KIZ: variants seen among roughly 807,000 people sequenced by gnomAD.
KIZ encodes centrosomal protein kizuna.
Under a neutral mutation model 79.6 loss-of-function variants are expected in KIZ, and 68 were observed. The ratio of observed to expected loss-of-function variants is 0.85; its 90% CI spans 0.70 to 1.05. KIZ has a LOEUF of 1.05. Ranked by LOEUF, KIZ falls within the 50% of genes least tolerant of loss-of-function variation. The pLI is 0.00. For missense variants in KIZ, 797 were observed against 800.4 expected, an observed-to-expected ratio of 1.00 and a Z score of 0.05; for synonymous variants, 280 against 281.8, an observed-to-expected ratio of 0.99 and a Z score of 0.06.
chr20:21,229,046 C>T lies in KIZ; in HGVS notation c.1714C>T (p.Leu572Phe), dbSNP rs557182679. The T allele has an allele frequency of 6.2e-7, 1 of 1,611,632 alleles. No homozygotes were observed. The highest frequency in any genetic ancestry group is 1.3e-5 in the African/African-American group (1 of 74,892). Residue 572 changes from leucine (L) to phenylalanine (F), a missense_variant, in exon 10 of 13, where the codon CTT (leucine) becomes TTT (phenylalanine). Leu to Phe is a conservative substitution (Grantham distance 22). Coordinates refer to ENST00000619189, the MANE Select transcript of KIZ (RefSeq NM_018474.6). ...EAYQLLKKAT[L>F]QDNTNQTENR... is the part of the protein sequence containing the mutation. ...CTATCAGTTGCTGAAGAAGGCCACC[C>T]TTCAGGATAATACAAATCAAACTGA...
At chr20:21,180,888 G>C (rs1342262974) in intron 6 of KIZ, among the ~76,000 whole-genome samples, 1 of 152,092 alleles carries the variant, frequency 6.6e-6, no homozygotes, top group Non-Finnish European at 1.5e-5. Flanking sequence ...TCAAGCTGAG[G>C]CCCCAGACAT....
At chr20:21,134,059 A>G (rs1306195605) in intron 2 of KIZ, among the ~76,000 whole-genome samples, 1 of 152,176 alleles carries the variant, frequency 6.6e-6, no homozygotes, top group Non-Finnish European at 1.5e-5. Flanking sequence ...GCAGAGGCAG[A>G]CGCTCTCAGG....
At chr20:21,146,968 ATGATG>A (rs1352171647) in intron 4 of KIZ, among the ~76,000 whole-genome samples, 2 of 152,224 alleles carry the variant, frequency 1.3e-5, no homozygotes. Context: ...CAAATGTGGT[ATGATG>A]TGATAGAATT....
At chr20:21,141,823 ACTCTCT>A (rs1229173337) in intron 3 of KIZ, among the ~76,000 whole-genome samples, 4,641 of 103,944 alleles carry the variant, frequency 0.045, 221 homozygotes, top group African/African-American at 0.15. Flanking sequence ...ACACACACAC[ACTCTCT>A]CTCTCTCTCT....
intron 6 of KIZ, among the ~76,000 whole-genome samples, chr20:21,188,883 T>TG (rs1392776768): frequency 1.2e-4 from 18 of 151,570 alleles, no homozygotes; most frequent in African/African-American, 4.1e-4. Flanking sequence ...TGTGTGTGTG[T>TG]TTTTTTGGTA....
At chr20:21,154,893 C>T (rs924042373) in intron 4 of KIZ, among the ~76,000 whole-genome samples, 3 of 152,212 alleles carry the variant, frequency 2.0e-5, no homozygotes, top group Non-Finnish European at 4.4e-5. Flanking sequence ...CTGATCTCAG[C>T]AAATGGGAAA....
At chr20:21,196,495 G>C (rs1355363248) in intron 6 of KIZ, 1 of 152,212 alleles carries the variant, frequency 6.6e-6, no homozygotes, top group Non-Finnish European at 1.5e-5. Flanking sequence ...CACCATTGGT[G>C]GGACCTCTTA....
At chr20:21,153,579 A>G (rs1033091629) in intron 4 of KIZ, among the ~76,000 whole-genome samples, 1 of 152,232 alleles carries the variant, frequency 6.6e-6, no homozygotes, top group African/African-American at 2.4e-5. Flanking sequence ...CTTAAAAATC[A>G]CAATGGCATA....
At chr20:21,226,566 T>A (rs1020630270) in intron 9 of KIZ, among the ~76,000 whole-genome samples, 1 of 152,212 alleles carries the variant, frequency 6.6e-6, no homozygotes, top group African/African-American at 2.4e-5. Context: ...CTCCCATGCA[T>A]CTGATCCACA....
intron 11 of KIZ, among the ~76,000 whole-genome samples, chr20:21,237,216 C>T (rs1452615058): frequency 1.3e-5 from 2 of 148,924 alleles, no homozygotes; most frequent in African/African-American, 5.0e-5. Flanking sequence ...GCAGGAGAAT[C>T]GTTTGAACCC....
chr20:21,138,037 G>T (rs1050413066), intron 3 of KIZ, among the ~76,000 whole-genome samples: 1 of 151,750 alleles, frequency 6.6e-6, no homozygotes, highest in African/African-American at 2.4e-5. Flanking sequence ...CTCCCAGAGT[G>T]CTGGAATTAT....
chr20:21,193,281 C>T (rs1466480596), intron 6 of KIZ, among the ~76,000 whole-genome samples: 2 of 152,154 alleles, frequency 1.3e-5, no homozygotes, highest in South Asian at 4.1e-4. Context: ...AAAAATTTAA[C>T]TCACCAAAAA....
chr20:21,165,204 G>C (rs544803601), intron 6 of KIZ, among the ~76,000 whole-genome samples: 1 of 152,260 alleles, frequency 6.6e-6, no homozygotes, highest in Non-Finnish European at 1.5e-5. Context: ...TGCATAAATG[G>C]GACAAAGGAG....
intron 9 of KIZ, among the ~76,000 whole-genome samples, chr20:21,219,818 A>C (rs1347214405): frequency 3.3e-5 from 5 of 152,144 alleles, no homozygotes; most frequent in Non-Finnish European, 7.3e-5. Flanking sequence ...CTCCTTAAAG[A>C]GTCTGCTATC....
Position 21,132,077 on chromosome 20 carries a change from T to G in KIZ, c.90-20T>G, listed in dbSNP as rs983959616. 2 of 1,015,870 alleles carry G rather than the reference T, an allele frequency of 2.0e-6. No homozygotes were observed. Among genetic ancestry groups the G allele is most frequent in the Admixed American group, 4.5e-5 (2 of 44,762 alleles). 62.9% of individuals were successfully genotyped at this position (1,015,870 alleles called of 1,614,324 possible). A position where few individuals can be genotyped will look rare whatever the true frequency, so the allele number is the denominator to read the frequency against. On this transcript the variant is annotated intron_variant, in intron 1 of 12. Coordinates refer to ENST00000619189, the MANE Select transcript of KIZ (RefSeq NM_018474.6). Reference sequence around the variant, plus strand: ...CTGTTACTTATCATGTAATTACTTATAAAATGTTTTTTATTATAGTGAAAA... The same window carrying G: ...CTGTTACTTATCATGTAATTACTTAGAAAATGTTTTTTATTATAGTGAAAA...
At chr20:21,168,780 A>C (rs527243082) in intron 6 of KIZ, among the ~76,000 whole-genome samples, 6 of 152,212 alleles carry the variant, frequency 3.9e-5, no homozygotes, top group African/African-American at 1.4e-4. Context: ...ATGATGCTGC[A>C]TATCTACAAC....
rs142958574 is a variant in KIZ at position 21,240,148 on chromosome 20, G to A, written c.1881-4097G>A. Among the ~76,000 whole-genome samples the A allele has an allele frequency of 8.8e-3, 1,327 of 151,220 alleles. 18 individuals carry two copies. Among genetic ancestry groups the A allele is most frequent in the African/African-American group, 0.031 (1,272 of 41,202 alleles). On this transcript the variant is annotated intron_variant, in intron 11 of 12. Coordinates refer to ENST00000619189, the MANE Select transcript of KIZ (RefSeq NM_018474.6). ...TAATTAACTATTTTTTTTTTGAGAC[G>A]GTGTCTCGCTCTGTCACCCAGGCTG...
intron 3 of KIZ, chr20:21,139,160 G>A (rs895583707): frequency 7.2e-6 from 1 of 138,856 alleles, no homozygotes; most frequent in Non-Finnish European, 1.6e-5. Flanking sequence ...TATTCTTTTT[G>A]TTGTTTTATC....
intron 6 of KIZ, among the ~76,000 whole-genome samples, chr20:21,190,006 A>G (rs1453866296): frequency 6.6e-6 from 1 of 152,162 alleles, no homozygotes; most frequent in Non-Finnish European, 1.5e-5. Context: ...ATACTGTTTA[A>G]CTATGTATGT....
Sources: gnomAD v4.1 joint callset for allele counts (sites outside exome capture counted in the v4.1 genomes callset) on GRCh38, gnomAD v4.1.1 for gene constraint, MANE v1.5 for transcripts, NCBI Gene and HGNC (gene_info 2026-07-23, HGNC 2026-07-21) for gene names.